The following KANSL1L variants were observed in gnomAD, a reference collection of about 807,000 sequenced individuals.
KANSL1L encodes the protein KAT8 regulatory NSL complex subunit 1 like.
KANSL1L carries 25 observed loss-of-function variants against 108.6 expected under a neutral mutation model. The observed-to-expected ratio is 0.23, with a 90% CI of 0.17 to 0.32. The LOEUF (loss-of-function observed/expected upper bound fraction) is 0.32, where lower values mean the gene tolerates loss of function less well. KANSL1L is among the 10% of genes least tolerant of loss of function. KANSL1L has a pLI of 1.00. For missense variants in KANSL1L, 1,137 were observed against 1,125.7 expected, an observed-to-expected ratio of 1.01 and a Z score of -0.14; for synonymous variants, 405 against 395.1, an observed-to-expected ratio of 1.03 and a Z score of -0.30.
In KANSL1L at chr2:210,154,072, A is replaced by C. The variant is rs1242312409; in HGVS notation, c.511T>G (p.Cys171Gly). Residue 171 changes from cysteine (C) to glycine (G), a missense_variant, in exon 2 of 15, where the codon TGT (cysteine) becomes GGT (glycine). By Grantham distance (159) the Cys-to-Gly change is radical. This residue lies in a region of KANSL1L where 556 missense variants were observed against 537.7 expected (regional missense o/e 1.03). Transcript: ENST00000281772. ...AGTGCATTCTCTTGATACCATTTAC[A>C]GTTTTGTAGTTGTACTTTATCTACA... Reference protein sequence around the residue: ...TNVDKVQLQNCKWYQENALLD... With the variant: ...TNVDKVQLQNGKWYQENALLD... 6.2e-7 allele frequency: 1 copy of C among 1,613,208 alleles called. No individual in the cohort carries two copies. Among genetic ancestry groups the C allele is most frequent in the South Asian group, 1.1e-5 (1 of 90,960 alleles).
chr2:210,136,240 G>T (rs1397746646), intron 2 of KANSL1L, among the ~76,000 whole-genome samples: 5 of 151,736 alleles, frequency 3.3e-5, no homozygotes, highest in African/African-American at 1.2e-4. Context: ...TTCATATATG[G>T]GATGGGCAAA....
Position 210,075,714 on chromosome 2 carries a change from C to A in KANSL1L, c.1593G>T (p.Trp531Cys). ...NLDELSSSSS[W>C]LLNQKHSKKK... The stretch of plus-strand genomic sequence containing the variant: ...TCTTACTGTGCTTCTGGTTAAGTAA[C>A]CAGCTACTGGAGGAAGACAGCTCAT... Residue 531 changes from tryptophan to cysteine, a missense_variant, in exon 6 of 15, where the codon TGG becomes TGT. Coordinates refer to ENST00000281772, the MANE Select transcript of KANSL1L (RefSeq NM_152519.4). 1.9e-6 allele frequency: 3 copies of A among 1,613,950 alleles called. No individual in the cohort carries two copies. Among genetic ancestry groups the A allele is most frequent in the Non-Finnish European group, 1.7e-6 (2 of 1,179,910 alleles).
At chr2:210,116,357 C>G (rs2094953866) in intron 3 of KANSL1L, among the ~76,000 whole-genome samples, 1 of 152,182 alleles carries the variant, frequency 6.6e-6, no homozygotes, top group South Asian at 2.1e-4. Context: ...GGACACAAGC[C>G]TGGGTGGATT....
intron 5 of KANSL1L, chr2:210,079,775 A>C (rs1197878464): frequency 8.6e-6 from 1 of 116,958 alleles, no homozygotes; most frequent in Admixed American, 1.0e-4. Flanking sequence ...GGAGAGAACC[A>C]GCTGAAGCAA....
chr2:210,153,965 A>T lies in KANSL1L; in HGVS notation c.618T>A (p.Asn206Lys). Reference protein sequence around the residue: ...TQKKIVPGHSNVPVSSSAAEK... With the variant: ...TQKKIVPGHSKVPVSSSAAEK... ...CAGCAGCTGAAGAACTAACAGGCACATTTGAGTGGCCAGGTACAATTTTCT... is the reference window on the plus strand; with the variant it reads ...CAGCAGCTGAAGAACTAACAGGCACTTTTGAGTGGCCAGGTACAATTTTCT... The change falls in exon 2 of 15, where the codon AAT becomes AAA. Residue 206 changes from asparagine to lysine, a missense_variant. This residue lies in a region of KANSL1L where 556 missense variants were observed against 537.7 expected (regional missense o/e 1.03). Transcript: ENST00000281772. 1 of 1,613,690 alleles carries T rather than the reference A, an allele frequency of 6.2e-7. No individual in the cohort carries two copies. The highest frequency in any genetic ancestry group is 8.5e-7 in the Non-Finnish European group (1 of 1,180,014).
intron 5 of KANSL1L, chr2:210,096,869 A>C (rs545318437): frequency 1.6e-6 from 1 of 641,478 alleles, no homozygotes; most frequent in Non-Finnish European, 1.9e-6. Flanking sequence ...AAATAGTAAA[A>C]GTATTAAAGA....
At chr2:210,112,529 A>T (rs2094918828) in intron 3 of KANSL1L, among the ~76,000 whole-genome samples, 1 of 152,210 alleles carries the variant, frequency 6.6e-6, no homozygotes, top group African/African-American at 2.4e-5. Context: ...TAAAATGAAG[A>T]TATTCTGAGA....
intron 5 of KANSL1L, chr2:210,079,680 A>G (rs2094573338): frequency 6.2e-5 from 2 of 32,046 alleles, no homozygotes; most frequent in African/African-American, 8.5e-5. Flanking sequence ...GTGTGTATAT[A>G]TATATATATA....
At chr2:210,027,613 G>A (rs1032581735) in intron 11 of KANSL1L, among the ~76,000 whole-genome samples, 4 of 152,160 alleles carry the variant, frequency 2.6e-5, no homozygotes, top group Non-Finnish European at 5.9e-5. Context: ...TGTACTGACT[G>A]AAGTCAGTGG....
intron 3 of KANSL1L, among the ~76,000 whole-genome samples, chr2:210,104,950 C>G (rs1310293456): frequency 6.6e-6 from 1 of 152,016 alleles, no homozygotes; most frequent in Non-Finnish European, 1.5e-5. Flanking sequence ...GGGGTATATT[C>G]TGAAATGTAA....
intron 1 of KANSL1L, among the ~76,000 whole-genome samples, chr2:210,169,963 A>G (rs1251377389): frequency 6.6e-6 from 1 of 152,230 alleles, no homozygotes; most frequent in Non-Finnish European, 1.5e-5. Flanking sequence ...CTCTTAAGAC[A>G]GAGACCATAT....
rs2093880326 is a variant in KANSL1L, at chr2:210,022,935, T to A, written c.*14A>T. On this transcript the variant is annotated 3_prime_UTR_variant, in exon 15 of 15. Transcript: ENST00000281772. ...CTTTCCTACATTTACATAGTTTTCT[T>A]AACCTGTTCCCTGTCACCTATTTTT... 2 of 1,567,224 alleles carry A rather than the reference T, an allele frequency of 1.3e-6. No homozygotes were observed. Among genetic ancestry groups the A allele is most frequent in the Admixed American group, 1.7e-5 (1 of 59,728 alleles).
chr2:210,027,930 A>AT (rs2093959573), intron 11 of KANSL1L, among the ~76,000 whole-genome samples: 3 of 152,220 alleles, frequency 2.0e-5, no homozygotes, highest in African/African-American at 7.2e-5. Flanking sequence ...TATGCTCTTA[A>AT]TACCTCAAAG....
At chr2:210,029,713 G>A (rs1287625446) in intron 10 of KANSL1L, 90 bp downstream of exon 10, 7 of 647,448 alleles carry the variant, frequency 1.1e-5, no homozygotes, top group Non-Finnish European at 1.9e-5. Context: ...TAGTAAGGCT[G>A]TTATAGATTA....
At chr2:210,039,636 T>TA (rs1413324493) in intron 8 of KANSL1L, among the ~76,000 whole-genome samples, 4 of 151,890 alleles carry the variant, frequency 2.6e-5, no homozygotes, top group Admixed American at 1.3e-4. Flanking sequence ...TTTCTTCTTC[T>TA]AATTGCTTCC....
intron 8 of KANSL1L, among the ~76,000 whole-genome samples, chr2:210,038,347 C>G (rs558358315): frequency 6.6e-6 from 1 of 151,996 alleles, no homozygotes; most frequent in African/African-American, 2.4e-5. Context: ...TAAAAAAATA[C>G]GTAGTTTAAA....
chr2:210,086,532 G>C (rs2094639482), intron 5 of KANSL1L, among the ~76,000 whole-genome samples: 1 of 150,522 alleles, frequency 6.6e-6, no homozygotes, highest in South Asian at 2.1e-4. Context: ...AGGCGATATT[G>C]TTATTAAATA....
At chr2:210,110,938 C>A (rs1038160950) in intron 3 of KANSL1L, among the ~76,000 whole-genome samples, 2 of 151,892 alleles carry the variant, frequency 1.3e-5, no homozygotes, top group Non-Finnish European at 2.9e-5. Flanking sequence ...ATGGCGAAAC[C>A]CCAAACCCAC....
chr2:210,097,204 T>C (rs1452027123), intron 5 of KANSL1L: 1 of 949,542 alleles, frequency 1.1e-6, no homozygotes, highest in East Asian at 1.2e-4. Flanking sequence ...CTCAGCTTTT[T>C]ATTTTAAGAC....
Sources: allele counts gnomAD v4.1 joint callset (sites outside exome capture counted in the v4.1 genomes callset), GRCh38; gene constraint gnomAD v4.1.1; regional missense constraint gnomAD v4.1.1; transcripts MANE v1.5; gene names NCBI Gene and HGNC (gene_info 2026-07-23, HGNC 2026-07-21).